STMN2: variants seen among roughly 807,000 people sequenced by gnomAD.
STMN2 encodes the protein stathmin 2.
In STMN2, 2 loss-of-function variants were observed where a neutral mutation model predicts 24.1. That is an observed-to-expected ratio of 0.08 (90% CI 0.03 to 0.26). The LOEUF is 0.26. Ranked by LOEUF, STMN2 falls within the 10% of genes least tolerant of loss-of-function variation. The pLI is 1.00. For missense variants in STMN2, 114 were observed against 213.6 expected, an observed-to-expected ratio of 0.53 and a Z score of 2.91; for synonymous variants, 83 against 77.5, an observed-to-expected ratio of 1.07 and a Z score of -0.37.
intron 1 of STMN2, among the ~76,000 whole-genome samples, chr8:79,622,430 C>T (rs1025083609): frequency 6.6e-6 from 1 of 152,116 alleles, no homozygotes; most frequent in African/African-American, 2.4e-5. Flanking sequence ...CTAGAAATTA[C>T]TTGGAATTGA....
At chr8:79,626,590 C>T (rs937146731) in intron 1 of STMN2, among the ~76,000 whole-genome samples, 1 of 152,160 alleles carries the variant, frequency 6.6e-6, no homozygotes, top group African/African-American at 2.4e-5. Context: ...AACATCTCGG[C>T]TCTTAACCCC....
At chr8:79,629,594 G>A (rs1341603730) in intron 1 of STMN2, among the ~76,000 whole-genome samples, 1 of 152,210 alleles carries the variant, frequency 6.6e-6, no homozygotes, top group African/African-American at 2.4e-5. Context: ...TTCGTTGAAG[G>A]ACACTGGATA....
At chr8:79,663,551 AGAGTTT>A in intron 4 of STMN2, 1 of 1,419,718 alleles carries the variant, frequency 7.0e-7, no homozygotes. Flanking sequence ...TGAGATTAAT[AGAGTTT>A]AACGATAAGT....
chr8:79,630,646 C>A (rs1308393385), intron 1 of STMN2, among the ~76,000 whole-genome samples: 5 of 152,204 alleles, frequency 3.3e-5, no homozygotes, highest in Admixed American at 3.3e-4. Context: ...ATTGAAATCA[C>A]TTGGGTGCTA....
chr8:79,622,986 C>G (rs1794954394), intron 1 of STMN2, among the ~76,000 whole-genome samples: 1 of 152,122 alleles, frequency 6.6e-6, no homozygotes. Context: ...CTTCTCCCTG[C>G]CTGGCACCCT....
At chr8:79,642,654 T>C (rs1810126150) in intron 3 of STMN2, among the ~76,000 whole-genome samples, 1 of 152,164 alleles carries the variant, frequency 6.6e-6, no homozygotes, top group African/African-American at 2.4e-5. Context: ...AACACAGATG[T>C]GCTGTGTATA....
At chr8:79,641,588 C>T in intron 3 of STMN2, 38 bp downstream of exon 3, 1 of 1,585,148 alleles carries the variant, frequency 6.3e-7, no homozygotes, top group Non-Finnish European at 8.6e-7. Context: ...CTCTCTCCCT[C>T]CCCTGCTCCT....
intron 4 of STMN2, chr8:79,663,797 A>C (rs182538462): frequency 6.7e-6 from 4 of 595,836 alleles, no homozygotes; most frequent in Middle Eastern, 4.8e-4. Context: ...GTATAGCCAC[A>C]TACTAAAAAA....
chr8:79,646,497 A>G (rs1810220955), intron 3 of STMN2, among the ~76,000 whole-genome samples: 1 of 152,038 alleles, frequency 6.6e-6, no homozygotes, highest in African/African-American at 2.4e-5. Context: ...AGAAGCACAA[A>G]GGTAGCAAGG....
At chr8:79,634,182 T>C (rs952999149) in intron 1 of STMN2, among the ~76,000 whole-genome samples, 6 of 152,238 alleles carry the variant, frequency 3.9e-5, no homozygotes, top group African/African-American at 1.4e-4. Context: ...AAAACCTTGC[T>C]GTTACTGTTT....
At chr8:79,661,353 T>C (rs1480040086) in intron 4 of STMN2, among the ~76,000 whole-genome samples, 1 of 152,176 alleles carries the variant, frequency 6.6e-6, no homozygotes, top group Non-Finnish European at 1.5e-5. Flanking sequence ...TGGTATTTCA[T>C]TGTGGTTTTA....
intron 1 of STMN2, among the ~76,000 whole-genome samples, chr8:79,614,948 G>A (rs1287266864): frequency 1.3e-5 from 2 of 152,132 alleles, no homozygotes; most frequent in Non-Finnish European, 2.9e-5. Flanking sequence ...CTCATTCTCA[G>A]TGATTAAAAA....
intron 4 of STMN2, among the ~76,000 whole-genome samples, chr8:79,658,251 G>C (rs1806419285): frequency 6.6e-6 from 1 of 151,992 alleles, no homozygotes; most frequent in Admixed American, 6.6e-5. Context: ...ACTCCAACCT[G>C]GGAAATATTG....
At chr8:79,648,494 C>T (rs1458782249) in intron 3 of STMN2, among the ~76,000 whole-genome samples, 1 of 121,460 alleles carries the variant, frequency 8.2e-6, no homozygotes, top group Non-Finnish European at 1.6e-5. Context: ...TCTCGCTCTG[C>T]CACTCAGGCT....
chr8:79,648,208 G>A (rs187199976), intron 3 of STMN2, among the ~76,000 whole-genome samples: 50 of 152,266 alleles, frequency 3.3e-4, no homozygotes, highest in African/African-American at 1.1e-3. Context: ...CTTAATCTCC[G>A]TATGTCCTCC....
intron 1 of STMN2, among the ~76,000 whole-genome samples, chr8:79,627,793 C>G (rs961878587): frequency 3.9e-5 from 6 of 152,184 alleles, no homozygotes; most frequent in African/African-American, 1.4e-4. Context: ...TCCACCCTAG[C>G]CCCTGGAAAC....
chr8:79,649,750 A>G (rs2130376037), intron 3 of STMN2, among the ~76,000 whole-genome samples: 1 of 152,356 alleles, frequency 6.6e-6, no homozygotes, highest in Non-Finnish European at 1.5e-5. Flanking sequence ...ATGTAGTCTT[A>G]AGTCTCATCT....
chr8:79,663,849 A>C (rs932835592), intron 4 of STMN2, among the ~76,000 whole-genome samples: 10 of 152,220 alleles, frequency 6.6e-5, no homozygotes, highest in African/African-American at 2.4e-4. Flanking sequence ...ATACTAAAAA[A>C]TACTTCCTCC....
chr8:79,620,618 T>G (rs1457959084), intron 1 of STMN2, among the ~76,000 whole-genome samples: 2 of 152,144 alleles, frequency 1.3e-5, no homozygotes, highest in Non-Finnish European at 2.9e-5. Context: ...CATCTCACAA[T>G]TTCACCATCT....
Sources: allele counts gnomAD v4.1 joint callset (sites outside exome capture counted in the v4.1 genomes callset), GRCh38; gene constraint gnomAD v4.1.1; transcripts MANE v1.5; gene names NCBI Gene and HGNC (gene_info 2026-07-23, HGNC 2026-07-21).